PLCL1: variants seen among roughly 807,000 people sequenced by gnomAD.
The protein encoded by PLCL1 is phospholipase C like 1 (inactive), also known as inactive phospholipase C-like protein 1.
Under a neutral mutation model 84.4 loss-of-function variants are expected in PLCL1, and 41 were observed. The ratio of observed to expected loss-of-function variants is 0.49; its 90% CI spans 0.38 to 0.63. The LOEUF (loss-of-function observed/expected upper bound fraction) is 0.63. PLCL1 is among the 30% of genes least tolerant of loss of function. The probability of loss-of-function intolerance (pLI) is 0.00; values close to 1 mark genes in which losing one functional copy is unlikely to be tolerated. For missense variants in PLCL1, 1,206 were observed against 1,367.8 expected (o/e 0.88, Z 1.87); for synonymous variants, 490 against 488.3 (o/e 1.00, Z -0.05).
At chr2:198,109,650 G>T (rs548757197) in intron 5 of PLCL1, among the ~76,000 whole-genome samples, 95 of 151,910 alleles carry the variant, frequency 6.3e-4, no homozygotes, top group African/African-American at 2.1e-3. Flanking sequence ...AATGCTATTT[G>T]CAATGAAGTG....
chr2:197,823,031 TAAAAATCATAGGTA>T (rs1690849856), intron 1 of PLCL1, among the ~76,000 whole-genome samples: 1 of 152,080 alleles, frequency 6.6e-6, no homozygotes, highest in Non-Finnish European at 1.5e-5. Context: ...CAATTATAGG[TAAAAATCATAGGTA>T]AAAAATCAGT....
At chr2:197,978,461 G>A (rs1353914899) in intron 1 of PLCL1, among the ~76,000 whole-genome samples, 1 of 152,204 alleles carries the variant, frequency 6.6e-6, no homozygotes, top group African/African-American at 2.4e-5. Context: ...CTGGTCGACA[G>A]AGGGAGACTC....
intron 1 of PLCL1, among the ~76,000 whole-genome samples, chr2:198,059,247 C>A (rs1692134943): frequency 1.3e-5 from 2 of 152,098 alleles, no homozygotes; most frequent in Non-Finnish European, 2.9e-5. Context: ...CATGACCTGA[C>A]AAAATTCTCT....
intron 1 of PLCL1, among the ~76,000 whole-genome samples, chr2:197,915,274 G>T (rs1182385771): frequency 6.6e-6 from 1 of 152,202 alleles, no homozygotes; most frequent in Non-Finnish European, 1.5e-5. Flanking sequence ...AGTAAAAGAA[G>T]TGATAGCGGT....
chr2:197,856,683 A>G (rs535515595), intron 1 of PLCL1, among the ~76,000 whole-genome samples: 6 of 152,196 alleles, frequency 3.9e-5, no homozygotes, highest in African/African-American at 1.4e-4. Context: ...TTTATACAAT[A>G]TATAAGATAT....
intron 1 of PLCL1, among the ~76,000 whole-genome samples, chr2:197,975,543 C>T (rs567877363): frequency 6.6e-6 from 1 of 152,188 alleles, no homozygotes; most frequent in African/African-American, 2.4e-5. Context: ...GCCAGGCACC[C>T]CTGCAATCCC....
chr2:197,919,678 C>T (rs1688668238), intron 1 of PLCL1, among the ~76,000 whole-genome samples: 1 of 152,116 alleles, frequency 6.6e-6, no homozygotes, highest in Admixed American at 6.5e-5. Context: ...ATGTTCTATC[C>T]AGGAGGACAT....
chr2:198,082,141 A>G (rs184929882), intron 1 of PLCL1, among the ~76,000 whole-genome samples: 196 of 152,308 alleles, frequency 1.3e-3, no homozygotes, highest in African/African-American at 4.6e-3. Flanking sequence ...AAGCGCTTAC[A>G]GTTTATAAAG....
intron 1 of PLCL1, among the ~76,000 whole-genome samples, chr2:197,914,517 G>T (rs1688553571): frequency 1.3e-5 from 2 of 152,022 alleles, no homozygotes; most frequent in African/African-American, 4.8e-5. Flanking sequence ...TTTTAGTAGA[G>T]ACGGGGTTTC....
At chr2:197,879,448 C>T (rs1687790481) in intron 1 of PLCL1, among the ~76,000 whole-genome samples, 1 of 152,140 alleles carries the variant, frequency 6.6e-6, no homozygotes, top group South Asian at 2.1e-4. Flanking sequence ...AGTGCTGTAA[C>T]TAACTTGTGC....
intron 1 of PLCL1, among the ~76,000 whole-genome samples, chr2:197,913,326 A>G (rs1391688544): frequency 6.6e-6 from 1 of 152,252 alleles, no homozygotes; most frequent in East Asian, 1.9e-4. Flanking sequence ...GTCTCCACCA[A>G]TGATATTCAG....
chr2:198,051,398 A>G (rs1008048841), intron 1 of PLCL1, among the ~76,000 whole-genome samples: 1 of 152,212 alleles, frequency 6.6e-6, no homozygotes, highest in Non-Finnish European at 1.5e-5. Context: ...TTTAATGGTT[A>G]TGATAAACAT....
At chr2:197,894,068 A>G (rs1688083973) in intron 1 of PLCL1, among the ~76,000 whole-genome samples, 1 of 151,876 alleles carries the variant, frequency 6.6e-6, no homozygotes, top group African/African-American at 2.4e-5. Context: ...TCTTATCAGG[A>G]AAAGAAAAAG....
At chr2:197,822,269 C>A (rs1690830160) in intron 1 of PLCL1, among the ~76,000 whole-genome samples, 3 of 152,120 alleles carry the variant, frequency 2.0e-5, no homozygotes, top group Admixed American at 2.0e-4. Flanking sequence ...TTCCAGTCAG[C>A]AGGGAGTTGC....
intron 1 of PLCL1, among the ~76,000 whole-genome samples, chr2:198,010,212 C>T (rs1048896196): frequency 9.2e-5 from 14 of 151,998 alleles, no homozygotes; most frequent in East Asian, 1.9e-4. Flanking sequence ...ATCGAATAGT[C>T]GTGGCAAGAG....
intron 1 of PLCL1, chr2:198,002,083 T>A (rs1690614671): frequency 6.3e-6 from 2 of 318,320 alleles, no homozygotes; most frequent in Admixed American, 6.3e-5. Context: ...AAATGTAATG[T>A]GCTTAAATCA....
At chr2:198,057,085 T>C (rs1457180640) in intron 1 of PLCL1, among the ~76,000 whole-genome samples, 1 of 152,186 alleles carries the variant, frequency 6.6e-6, no homozygotes, top group Non-Finnish European at 1.5e-5. Flanking sequence ...GCTTGGCAAG[T>C]AGCAGAATTA....
At chr2:198,051,075 T>G (rs1691916881) in intron 1 of PLCL1, among the ~76,000 whole-genome samples, 1 of 152,118 alleles carries the variant, frequency 6.6e-6, no homozygotes, top group South Asian at 2.1e-4. Flanking sequence ...AATTGGTAGG[T>G]TTTCCTGGCT....
intron 1 of PLCL1, among the ~76,000 whole-genome samples, chr2:198,030,827 ACC>A (rs1574259642): frequency 6.6e-6 from 1 of 152,126 alleles, no homozygotes; most frequent in East Asian, 1.9e-4. Flanking sequence ...CTCTGATTTG[ACC>A]CAGGAGGAAT....
Sources: allele counts gnomAD v4.1 joint callset (sites outside exome capture counted in the v4.1 genomes callset), GRCh38; gene constraint gnomAD v4.1.1; transcripts MANE v1.5; gene names NCBI Gene and HGNC (gene_info 2026-07-23, HGNC 2026-07-21).